PM20D1: variants seen among roughly 807,000 people sequenced by gnomAD.
PM20D1 encodes peptidase M20 domain containing 1, also known as N-fatty-acyl-amino acid synthase/hydrolase PM20D1.
Under a neutral mutation model 53.8 loss-of-function variants are expected in PM20D1, and 53 were observed. The observed-to-expected ratio is 0.98, with a 90% CI of 0.79 to 1.24. The LOEUF (loss-of-function observed/expected upper bound fraction) is 1.24, where lower values mean the gene tolerates loss of function less well. Among genes scored for constraint, PM20D1 ranks in the 50% most tolerant of loss-of-function variants. The pLI, the probability that PM20D1 is intolerant of heterozygous loss-of-function variation, is 0.00. For synonymous variants in PM20D1, 239 were observed against 241.3 expected, an observed-to-expected ratio of 0.99 and a Z score of 0.09; for missense variants, 564 against 616.8, an observed-to-expected ratio of 0.91 and a Z score of 0.91.
In PM20D1 at chr1:205,846,127, C is replaced by T. The variant is rs1458886754; in HGVS notation, c.257-570G>A. Among the ~76,000 whole-genome samples, 5 of 150,750 alleles carry T rather than the reference C, an allele frequency of 3.3e-5. No homozygotes were observed. In the East Asian group the frequency reaches 9.8e-4, roughly 30 times the overall value. On this transcript the variant is annotated intron_variant, in intron 2 of 12. Coordinates refer to ENST00000367136, the MANE Select transcript of PM20D1 (RefSeq NM_152491.5). ...CTCGGCCAGGCGTGGTGGCTCATGC[C>T]TGTAACCCAGCACTTTGGGAGGCTG...
rs1656872038 is a variant in PM20D1, at chr1:205,843,722, A to G, written c.772T>C (p.Ser258Pro). 6.2e-7 allele frequency: 1 copy of G among 1,614,192 alleles called. No individual in the cohort carries two copies. Among genetic ancestry groups the G allele is most frequent in the Non-Finnish European group, 8.5e-7 (1 of 1,180,032 alleles). ...CTTGTCTCCTTTGGAGGAGCTGAAGAGTGGCCTGAAGTCATGTTTACTTGC... is the reference window on the plus strand; with the variant it reads ...CTTGTCTCCTTTGGAGGAGCTGAAGGGTGGCCTGAAGTCATGTTTACTTGC... Reference protein sequence around the residue: ...MLQVNMTSGHSSAPPKETSIG... With the variant: ...MLQVNMTSGHPSAPPKETSIG... Residue 258 changes from serine to proline, a missense_variant, in exon 6 of 13, where the codon TCT (serine) becomes CCT (proline). Ser to Pro is a moderately conservative substitution (Grantham distance 74). Transcript: ENST00000367136.
At chr1:205,829,848 A>G (rs1298273817) in intron 12 of PM20D1, 1 of 156,426 alleles carries the variant, frequency 6.4e-6, no homozygotes, top group African/African-American at 2.4e-5. Context: ...GGATTTCCAT[A>G]GTGCTTTCTT....
intron 10 of PM20D1, among the ~76,000 whole-genome samples, chr1:205,836,552 G>A (rs1273546807): frequency 6.6e-6 from 1 of 152,172 alleles, no homozygotes; most frequent in Non-Finnish European, 1.5e-5. Flanking sequence ...CTGTCACCCA[G>A]GCTGGAGTGC....
intron 1 of PM20D1, 96 bp from the exon 2 acceptor site, chr1:205,848,067 A>G (rs911886934): frequency 1.7e-6 from 2 of 1,167,856 alleles, no homozygotes; most frequent in African/African-American, 1.5e-5. Flanking sequence ...TGCCTTCATT[A>G]TCATATTGCA....
chr1:205,846,083 C>CA (rs55675463), intron 2 of PM20D1, among the ~76,000 whole-genome samples: 1,626 of 119,610 alleles, frequency 0.014, 30 homozygotes, highest in African/African-American at 0.044. Context: ...AACTCCATCT[C>CA]AAAAAAAAAA....
At chr1:205,846,952 C>A (rs1231646393) in intron 2 of PM20D1, among the ~76,000 whole-genome samples, 1 of 147,504 alleles carries the variant, frequency 6.8e-6, no homozygotes, top group East Asian at 2.0e-4. Flanking sequence ...CTCAGCTTGG[C>A]TACTGGGCAT....
Position 205,832,593 on chromosome 1 carries a change from A to G in PM20D1, c.1285+5T>C, listed in dbSNP as rs747948387. On this transcript the variant is annotated splice_donor_5th_base_variant and intron_variant, in intron 11 of 12. Coordinates refer to ENST00000367136, the MANE Select transcript of PM20D1 (RefSeq NM_152491.5). Reference sequence around the variant, plus strand: ...CCCTCCAGCCACAGCTGATGAAGTCATTACCTGGGGCAGTAATATTGACTT... The same window carrying G: ...CCCTCCAGCCACAGCTGATGAAGTCGTTACCTGGGGCAGTAATATTGACTT... The G allele has an allele frequency of 2.5e-6, 4 of 1,614,088 alleles. No individual in the cohort carries two copies. The highest frequency in any genetic ancestry group is 3.4e-6 in the Non-Finnish European group (4 of 1,179,972).
rs778319315 is a variant in PM20D1 at position 205,828,733 on chromosome 1, C to T, written c.1396G>A (p.Val466Ile). Reference protein sequence around the residue: ...QPEDFKRIHGVNEKISVQAYE... With the variant: ...QPEDFKRIHGINEKISVQAYE... ...GCTTGGACTGAGATTTTCTCGTTGA[C>T]TCCATGGATGCTGAGGAAAGTAAGG... is the stretch of plus-strand genomic sequence containing the variant. Residue 466 changes from valine (V) to isoleucine (I), a missense_variant, in exon 13 of 13, where the codon GTC (valine) becomes ATC (isoleucine). Physicochemically the swap from Val to Ile is conservative, Grantham distance 29. Transcript: ENST00000367136. The T allele has an allele frequency of 1.2e-6, 2 of 1,614,030 alleles. No homozygotes were observed. The highest frequency in any genetic ancestry group is 2.2e-5 in the East Asian group (1 of 44,874).
chr1:205,838,741 T>C (rs201490972), intron 10 of PM20D1, among the ~76,000 whole-genome samples: 2 of 152,346 alleles, frequency 1.3e-5, no homozygotes, highest in East Asian at 3.9e-4. Flanking sequence ...ATTATGATAT[T>C]CTTGAACTTG....
chr1:205,838,887 T>C (rs1025213233), intron 10 of PM20D1, among the ~76,000 whole-genome samples: 4 of 152,130 alleles, frequency 2.6e-5, no homozygotes, highest in Non-Finnish European at 5.9e-5. Context: ...TGAACCCACC[T>C]CTCTCCCACC....
chr1:205,840,094 A>G (rs1014022493), intron 10 of PM20D1, among the ~76,000 whole-genome samples, 158 bp downstream of exon 10: 3 of 152,174 alleles, frequency 2.0e-5, no homozygotes, highest in Non-Finnish European at 2.9e-5. Context: ...AGGATCTCCA[A>G]TCCTAATGAA....
chr1:205,832,936 G>A (rs1656596002), intron 10 of PM20D1, among the ~76,000 whole-genome samples, 170 bp from the exon 11 acceptor site: 1 of 152,176 alleles, frequency 6.6e-6, no homozygotes, highest in African/African-American at 2.4e-5. Flanking sequence ...GGCTATAGGT[G>A]ATGTAAGAGC....
At position 205,849,642 on chromosome 1, in the gene PM20D1, G is replaced by T. The variant is rs1251786811; in HGVS notation, c.169+262C>A. On this transcript the variant is annotated intron_variant, in intron 1 of 12. Transcript: ENST00000367136. Reference sequence around the variant, plus strand: ...CAAGCAGGGGAAAGAATGGACGGTGGTCACGCCAAGAGGGGTGAAGTTGGA... The same window carrying T: ...CAAGCAGGGGAAAGAATGGACGGTGTTCACGCCAAGAGGGGTGAAGTTGGA... Among the ~76,000 whole-genome samples, 4 of 152,162 alleles carry T rather than the reference G, an allele frequency of 2.6e-5. No homozygotes were observed. The East Asian group carries it at 5.8e-4, about 22-fold the overall frequency.
rs1186176551 is a variant in PM20D1, at chr1:205,830,294, A to C, written c.1371T>G (p.Pro457=). 1 of 1,605,058 alleles carries C rather than the reference A, an allele frequency of 6.2e-7. No homozygotes were observed. The highest frequency in any genetic ancestry group is 8.5e-7 in the Non-Finnish European group (1 of 1,171,856). The change falls in exon 12 of 13, where the codon CCT becomes CCG. Residue 457 remains proline (P), a synonymous_variant. Transcript: ENST00000367136. ...GTTCCACTCACCGTTTGAAGTCTTC[A>C]GGCTGTATGTAGATGGGGTAGAACC... ...IYRFYPIYIQ[P]EDFKRIHGVN... is the part of the protein sequence containing the mutation.
chr1:205,844,060 A>G (rs753353175), intron 5 of PM20D1, 27 bp downstream of exon 5: 37 of 1,589,966 alleles, frequency 2.3e-5, no homozygotes, highest in Non-Finnish European at 3.2e-5. Flanking sequence ...ATTCCCTCCA[A>G]GGTGTGGGGT....
Position 205,845,638 on chromosome 1 carries a change from CTTTA to C in PM20D1, c.257-85_257-82del, listed in dbSNP as rs992193750. 116 of 1,207,408 alleles carry C rather than the reference CTTTA, an allele frequency of 9.6e-5. No individual in the cohort carries two copies. In the Middle Eastern group the frequency reaches 1.6e-3, roughly 17 times the overall value. 74.8% of individuals were successfully genotyped at this position (1,207,408 alleles called of 1,614,324 possible). A position where few individuals can be genotyped will look rare whatever the true frequency, so the allele number is the denominator to read the frequency against. ...TCCTACCAAGTTGTGCTTCCTGTTC[CTTTA>C]TTTATTTATTTTTTTAAACATGCAT... On this transcript the variant is annotated intron_variant, in intron 2 of 12. Transcript: ENST00000367136.
chr1:205,843,220 C>T (rs1006752379), intron 6 of PM20D1, among the ~76,000 whole-genome samples: 1 of 152,276 alleles, frequency 6.6e-6, no homozygotes, highest in East Asian at 1.9e-4. Context: ...CCAGTCATTG[C>T]CAATTTGTGA....
At position 205,849,937 on chromosome 1, in the gene PM20D1, CTT is replaced by C. The variant is rs538423425; in HGVS notation, c.134_135del (p.Lys45ArgfsTer22). The C allele has an allele frequency of 1.2e-4, 186 of 1,613,792 alleles. No homozygotes were observed. In the African/African-American group the frequency reaches 2.1e-3, roughly 19 times the overall value. On this transcript the variant is annotated frameshift_variant, in exon 1 of 13. Coordinates refer to ENST00000367136, the MANE Select transcript of PM20D1 (RefSeq NM_152491.5). LOFTEE classifies it high-confidence loss of function. ...RASRIPSQFS[K>X]EERVAMKEAL... ...GCCTCTTTCATCGCGACGCGTTCCT[CTT>C]TGCTGAACTGAGAAGGGATTCGCGA... is the stretch of plus-strand genomic sequence containing the variant.
At chr1:205,845,651 T>C (rs1026441414) in intron 2 of PM20D1, 94 bp from the exon 3 acceptor site, 1 of 1,098,084 alleles carries the variant, frequency 9.1e-7, no homozygotes, top group South Asian at 1.6e-5. Flanking sequence ...TATTTATTTA[T>C]TTTTTTAAAC....
Sources: gnomAD v4.1 joint callset for allele counts (sites outside exome capture counted in the v4.1 genomes callset) on GRCh38, gnomAD v4.1.1 for gene constraint, MANE v1.5 for transcripts, NCBI Gene and HGNC (gene_info 2026-07-23, HGNC 2026-07-21) for gene names.